The following HIPK4 variants were observed in gnomAD, a reference collection of about 807,000 sequenced individuals.
The protein encoded by HIPK4 is homeodomain interacting protein kinase 4.
Under a neutral mutation model 44.8 loss-of-function variants are expected in HIPK4, and 26 were observed. That is an observed-to-expected ratio of 0.58 (90% CI 0.43 to 0.80). The LOEUF (loss-of-function observed/expected upper bound fraction) is 0.80. Among genes scored for constraint, HIPK4 ranks in the 30% least tolerant of loss-of-function variants. HIPK4 has a pLI of 0.00. For synonymous variants in HIPK4, 340 were observed against 355.5 expected (o/e 0.96, Z 0.49); for missense variants, 729 against 862.6 (o/e 0.85, Z 1.94).
intron 1 of HIPK4, among the ~76,000 whole-genome samples, chr19:40,388,148 G>C (rs529773726): frequency 1.8e-4 from 27 of 151,572 alleles, no homozygotes; most frequent in Non-Finnish European, 2.9e-4. Context: ...CTCTGGAGTA[G>C]CTAGGATTAC....
At position 40,389,723 on chromosome 19, in the gene HIPK4, G is replaced by C; in HGVS notation, c.180C>G (p.His60Gln). 1 of 1,614,234 alleles carries C rather than the reference G, an allele frequency of 6.2e-7. No homozygotes were observed. Among genetic ancestry groups the C allele is most frequent in the Non-Finnish European group, 8.5e-7 (1 of 1,180,036 alleles). ...CTTCAGGGTCTAGGCCTCGCATGCA[G>C]TGCAGCAGCTTCAGCTCGTTCTTGA... ...RIIKNELKLLHCMRGLDPEEA... is the reference protein window; with the variant it reads ...RIIKNELKLLQCMRGLDPEEA... The change falls in exon 1 of 4, where the codon CAC (histidine) becomes CAG (glutamine). Residue 60 changes from histidine to glutamine, a missense_variant. Transcript: ENST00000291823. The surrounding 1 kb of genome is among the most constrained non-coding windows in gnomAD (Gnocchi z 4.6).
In HIPK4 at chr19:40,384,492, A is replaced by T. The variant is rs552866759; in HGVS notation, c.466-353T>A. 2.0e-5 allele frequency among the ~76,000 whole-genome samples: 3 copies of T among 151,834 alleles called. No homozygotes were observed. In the East Asian group the frequency reaches 5.8e-4, roughly 29 times the overall value. On this transcript the variant is annotated intron_variant, in intron 1 of 3. Coordinates refer to ENST00000291823, the MANE Select transcript of HIPK4 (RefSeq NM_144685.5). ...CTAATTTTTTGTATTTTTAGTAGAG[A>T]TGGGGTTTCACTATGTTGGCCAGGC... is the stretch of plus-strand genomic sequence containing the variant.
At chr19:40,384,207 C>T (rs1055029325) in intron 1 of HIPK4, 68 bp from the exon 2 acceptor site, 21 of 1,255,770 alleles carry the variant, frequency 1.7e-5, no homozygotes, top group African/African-American at 1.1e-4. Context: ...TGGGCCACCC[C>T]GGCATCTTTC....
In HIPK4 at chr19:40,389,971, C is replaced by T. The variant is rs563623358; in HGVS notation, c.-69G>A. The T allele has an allele frequency of 3.4e-5, 42 of 1,242,264 alleles. No homozygotes were observed. Among genetic ancestry groups the T allele is most frequent in the South Asian group, 2.7e-4 (20 of 74,648 alleles). 77.0% of individuals were successfully genotyped at this position (1,242,264 alleles called of 1,614,324 possible). On this transcript the variant is annotated 5_prime_UTR_variant, in exon 1 of 4. Coordinates refer to ENST00000291823, the MANE Select transcript of HIPK4 (RefSeq NM_144685.5). The surrounding 1 kb of genome is among the most constrained non-coding windows in gnomAD (Gnocchi z 4.6). Reference sequence around the variant, plus strand: ...CACTGGCTCTGCCGCCCAGGCCTCCCGCCTGGCTGCTGACACAGCAGGCCC... The same window carrying T: ...CACTGGCTCTGCCGCCCAGGCCTCCTGCCTGGCTGCTGACACAGCAGGCCC...
At position 40,389,954 on chromosome 19, in the gene HIPK4, C is replaced by G. The variant is rs1406306260; in HGVS notation, c.-52G>C. 5.5e-6 allele frequency: 8 copies of G among 1,462,312 alleles called. No homozygotes were observed. The highest frequency in any genetic ancestry group is 7.4e-6 in the Non-Finnish European group (8 of 1,073,982). 90.6% of individuals were successfully genotyped at this position (1,462,312 alleles called of 1,614,324 possible). A position where few individuals can be genotyped will look rare whatever the true frequency, so the allele number is the denominator to read the frequency against. The stretch of plus-strand genomic sequence containing the variant: ...TGCCCAGGCCCCTGTACCACTGGCT[C>G]TGCCGCCCAGGCCTCCCGCCTGGCT... On this transcript the variant is annotated 5_prime_UTR_variant, in exon 1 of 4. Transcript: ENST00000291823. The surrounding 1 kb of genome is among the most constrained non-coding windows in gnomAD (Gnocchi z 4.6).
chr19:40,385,363 C>T (rs1164186848), intron 1 of HIPK4, among the ~76,000 whole-genome samples: 2 of 152,164 alleles, frequency 1.3e-5, no homozygotes, highest in African/African-American at 4.8e-5. Context: ...CCCACTCTCC[C>T]CATCACTCAC....
chr19:40,383,217 G>A (rs1182250651), intron 2 of HIPK4, among the ~76,000 whole-genome samples: 1 of 150,918 alleles, frequency 6.6e-6, no homozygotes, highest in Non-Finnish European at 1.5e-5. Context: ...CGAGTAGCTG[G>A]AATTACAGGC....
chr19:40,383,614 G>T (rs1343267861), intron 2 of HIPK4, among the ~76,000 whole-genome samples, 169 bp downstream of exon 2: 1 of 151,812 alleles, frequency 6.6e-6, no homozygotes, highest in East Asian at 1.9e-4. Flanking sequence ...TAAAGAGGAG[G>T]TCTCACTATG....
In HIPK4 at chr19:40,380,534, T is replaced by C. The variant is rs1327574324; in HGVS notation, c.1457A>G (p.His486Arg). ...ACCCGCAGGTGGCTTGCGGGCCTTG[T>C]GGCGGCCTGCCAGGCGGCTGCTGTA... Reference protein sequence around the residue: ...AFYSSRLAGRHKARKPPAGSK... With the variant: ...AFYSSRLAGRRKARKPPAGSK... Residue 486 changes from histidine to arginine, a missense_variant, in exon 3 of 4, where the codon CAC becomes CGC. His to Arg is a conservative substitution (Grantham distance 29). This residue lies in a region of HIPK4 where 533 missense variants were observed against 567.5 expected (regional missense o/e 0.94). Coordinates refer to ENST00000291823, the MANE Select transcript of HIPK4 (RefSeq NM_144685.5). The surrounding 1 kb of genome is among the most constrained non-coding windows in gnomAD (Gnocchi z 4.2). The C allele has an allele frequency of 6.2e-7, 1 of 1,611,986 alleles. No individual in the cohort carries two copies. Among genetic ancestry groups the C allele is most frequent in the Admixed American group, 1.7e-5 (1 of 60,018 alleles).
intron 2 of HIPK4, among the ~76,000 whole-genome samples, chr19:40,383,040 C>T (rs536270758): frequency 1.3e-5 from 2 of 148,152 alleles, no homozygotes; most frequent in South Asian, 4.4e-4. Flanking sequence ...GATCAAGACT[C>T]CGTCTTAAAA....
chr19:40,384,917 C>T (rs1258055574), intron 1 of HIPK4, among the ~76,000 whole-genome samples: 1 of 152,076 alleles, frequency 6.6e-6, no homozygotes, highest in Non-Finnish European at 1.5e-5. Flanking sequence ...CAGCTGTGGC[C>T]GTAGTTGTTA....
Position 40,380,756 on chromosome 19 carries a change from G to T in HIPK4, c.1235C>A (p.Pro412His). Residue 412 changes from proline (P) to histidine (H), a missense_variant, in exon 3 of 4, where the codon CCC becomes CAC. This residue lies in a region of HIPK4 where 533 missense variants were observed against 567.5 expected (regional missense o/e 0.94). Transcript: ENST00000291823. The surrounding 1 kb of genome is among the most constrained non-coding windows in gnomAD (Gnocchi z 4.2). ...TGGTGCCTTCTCCTCTCGGAAGAAGGGGCTGCTGCCGGCCACACTGCCCAT... is the reference window on the plus strand; with the variant it reads ...TGGTGCCTTCTCCTCTCGGAAGAAGTGGCTGCTGCCGGCCACACTGCCCAT... ...AGMGSVAGSS[P>H]FFREEKAPGM... 1 of 1,614,168 alleles carries T rather than the reference G, an allele frequency of 6.2e-7. No individual in the cohort carries two copies.
rs142915464 is a variant in HIPK4, at chr19:40,389,535, G to A, written c.368C>T (p.Ala123Val). 9 of 1,613,798 alleles carry A rather than the reference G, an allele frequency of 5.6e-6. No homozygotes were observed. In the African/African-American group the frequency reaches 6.7e-5, roughly 12 times the overall value. Residue 123 changes from alanine (A) to valine (V), a missense_variant, in exon 1 of 4, where the codon GCC becomes GTC. Physicochemically the swap from Ala to Val is moderately conservative, Grantham distance 64. Transcript: ENST00000291823. This position sits in a 1 kb window ranked among gnomAD's most constrained non-coding sequence, Gnocchi z 4.6. ...IRTVTLQVLT[A>V]LARLKELAII... Reference sequence around the variant, plus strand: ...AGCCAGCTCCTTGAGCCGGGCCAGGGCTGTGAGCACCTGCAGGGTGACTGT... The same window carrying A: ...AGCCAGCTCCTTGAGCCGGGCCAGGACTGTGAGCACCTGCAGGGTGACTGT...
chr19:40,382,207 A>C (rs1039657831), intron 2 of HIPK4, among the ~76,000 whole-genome samples: 3 of 151,766 alleles, frequency 2.0e-5, no homozygotes, highest in African/African-American at 4.8e-5. Context: ...GGTTCAAGTG[A>C]TCTTCCCACC....
At chr19:40,386,916 G>A (rs1354104233) in intron 1 of HIPK4, among the ~76,000 whole-genome samples, 5 of 151,520 alleles carry the variant, frequency 3.3e-5, no homozygotes, top group African/African-American at 7.3e-5. Flanking sequence ...ATGCAGTGGC[G>A]CAATCTCGGC....
At chr19:40,384,246 G>A in intron 1 of HIPK4, 107 bp from the exon 2 acceptor site, 1 of 806,348 alleles carries the variant, frequency 1.2e-6, no homozygotes, top group Admixed American at 2.4e-5. Context: ...TCTGCTATTT[G>A]ACTCTGGCCA....
rs148742000 is a variant in HIPK4, at chr19:40,379,647, G to A, written c.1791C>T (p.His597=). The change falls in exon 4 of 4, where the codon CAC becomes CAT. Residue 597 remains histidine (H), a synonymous_variant. Coordinates refer to ENST00000291823, the MANE Select transcript of HIPK4 (RefSeq NM_144685.5). ...TGGCCCCCCGGGGTGGACCATGCTG[G>A]TGGGAGCGGCGGGGTGGGAGCCCCT... ...RAQGLPPRRS[H]QHGPPRGATS... The A allele has an allele frequency of 1.3e-5, 21 of 1,557,140 alleles. No individual in the cohort carries two copies. Among genetic ancestry groups the A allele is most frequent in the Admixed American group, 1.9e-5 (1 of 51,940 alleles).
chr19:40,389,945 C>T lies in HIPK4; in HGVS notation c.-43G>A. 1 of 1,513,596 alleles carries T rather than the reference C, an allele frequency of 6.6e-7. No individual in the cohort carries two copies. Among genetic ancestry groups the T allele is most frequent in the Non-Finnish European group, 9.0e-7 (1 of 1,114,062 alleles). The allele number at this position is 1,513,596 out of a possible 1,614,324, so 93.8% of individuals were successfully genotyped here. A position where few individuals can be genotyped will look rare whatever the true frequency, so the allele number is the denominator to read the frequency against. On this transcript the variant is annotated 5_prime_UTR_variant, in exon 1 of 4. Transcript: ENST00000291823. This position sits in a 1 kb window ranked among gnomAD's most constrained non-coding sequence, Gnocchi z 4.6. ...ACACCGCCCTGCCCAGGCCCCTGTA[C>T]CACTGGCTCTGCCGCCCAGGCCTCC... is the stretch of plus-strand genomic sequence containing the variant.
Position 40,379,585 on chromosome 19 carries a change from C to A in HIPK4, c.*2G>T. On this transcript the variant is annotated 3_prime_UTR_variant, in exon 4 of 4. Coordinates refer to ENST00000291823, the MANE Select transcript of HIPK4 (RefSeq NM_144685.5). ...CAGTGATGGGCAGGGGTGGAATCACCATCAGTGGTGCCCGGTGACATGCTG... is the reference window on the plus strand; with the variant it reads ...CAGTGATGGGCAGGGGTGGAATCACAATCAGTGGTGCCCGGTGACATGCTG... 1 of 1,525,638 alleles carries A rather than the reference C, an allele frequency of 6.6e-7. No homozygotes were observed. Among genetic ancestry groups the A allele is most frequent in the Non-Finnish European group, 8.8e-7 (1 of 1,137,330 alleles). The allele number at this position is 1,525,638 out of a possible 1,614,324, so 94.5% of individuals were successfully genotyped here.
Sources: allele counts gnomAD v4.1 joint callset (sites outside exome capture counted in the v4.1 genomes callset), GRCh38; gene constraint gnomAD v4.1.1; regional missense constraint gnomAD v4.1.1; non-coding constraint Gnocchi (gnomAD v3.1); transcripts MANE v1.5; gene names NCBI Gene and HGNC (gene_info 2026-07-23, HGNC 2026-07-21).